ROR1: variants seen among roughly 807,000 people sequenced by gnomAD.
ROR1 encodes ROR family WNT receptor 1.
Under a neutral mutation model 78.8 loss-of-function variants are expected in ROR1, and 19 were observed. The observed-to-expected ratio is 0.24, with a 90% CI of 0.17 to 0.35. The LOEUF (loss-of-function observed/expected upper bound fraction) is 0.35. ROR1 is among the 10% of genes least tolerant of loss of function. The probability of loss-of-function intolerance (pLI) is 1.00; values close to 1 mark genes in which losing one functional copy is unlikely to be tolerated. For synonymous variants in ROR1, 386 were observed against 433.6 expected (o/e 0.89, Z 1.36); for missense variants, 917 against 1,177.8 (o/e 0.78, Z 3.24).
In ROR1 at chr1:63,774,152, G is replaced by A. The variant is rs1478031573; in HGVS notation, c.-266G>A. ...GACCCAGGGCGACTCACGCCCACTG[G>A]TGCGACCCGGACAGCCTGGGACTGA... On this transcript the variant is annotated 5_prime_UTR_variant, in exon 1 of 9. It adds an upstream start codon to the 5' untranslated region. Transcript: ENST00000371079. The surrounding 1 kb of genome is among the most constrained non-coding windows in gnomAD (Gnocchi z 5.7). The A allele has an allele frequency of 4.9e-6, 1 of 205,870 alleles. No individual in the cohort carries two copies. Among genetic ancestry groups the A allele is most frequent in the African/African-American group, 2.3e-5 (1 of 42,940 alleles). The allele number at this position is 205,870 out of a possible 1,614,324, so 12.8% of individuals were successfully genotyped here.
chr1:63,889,766 A>G (rs191705361), intron 1 of ROR1, among the ~76,000 whole-genome samples: 2 of 152,330 alleles, frequency 1.3e-5, no homozygotes, highest in Non-Finnish European at 2.9e-5. Context: ...GCTTTTAAAT[A>G]AGCATTCAGG....
chr1:63,875,310 G>A (rs1283850151), intron 1 of ROR1, among the ~76,000 whole-genome samples: 1 of 152,136 alleles, frequency 6.6e-6, no homozygotes, highest in African/African-American at 2.4e-5. Flanking sequence ...AATGAAAAAC[G>A]TCCAGGTCTT....
intron 1 of ROR1, among the ~76,000 whole-genome samples, chr1:63,826,867 CTGTGG>C (rs1203272953): frequency 6.6e-6 from 1 of 152,006 alleles, no homozygotes; most frequent in African/African-American, 2.4e-5. Flanking sequence ...TGGTATCTCA[CTGTGG>C]TTTTGACTTG....
intron 1 of ROR1, among the ~76,000 whole-genome samples, chr1:63,895,581 G>A (rs1011720036): frequency 2.0e-5 from 3 of 151,270 alleles, no homozygotes; most frequent in African/African-American, 7.4e-5. Context: ...CACACATCTC[G>A]ATTAGGTACC....
Position 64,030,902 on chromosome 1 carries a change from T to G in ROR1, c.164-18789T>G, listed in dbSNP as rs1019352177. Among the ~76,000 whole-genome samples, 4 of 152,174 alleles carry G rather than the reference T, an allele frequency of 2.6e-5. No homozygotes were observed. In the South Asian group the frequency reaches 8.3e-4, roughly 32 times the overall value. Reference sequence around the variant, plus strand: ...ATGTATGTGTGTGTACATATGTATGTGTGTTTTGAGACAGGATCTCACTCT... The same window carrying G: ...ATGTATGTGTGTGTACATATGTATGGGTGTTTTGAGACAGGATCTCACTCT... On this transcript the variant is annotated intron_variant, in intron 2 of 8. Transcript: ENST00000371079.
intron 2 of ROR1, among the ~76,000 whole-genome samples, chr1:64,010,277 C>T (rs1646465264): frequency 6.6e-6 from 1 of 151,966 alleles, no homozygotes; most frequent in South Asian, 2.1e-4. Context: ...CTGTTCTTCT[C>T]TTCACATTTT....
At chr1:64,101,728 G>T (rs1224127203) in intron 4 of ROR1, among the ~76,000 whole-genome samples, 2 of 152,186 alleles carry the variant, frequency 1.3e-5, no homozygotes, top group African/African-American at 2.4e-5. Flanking sequence ...TACATGGGTT[G>T]ATTAGAGGAG....
chr1:63,957,818 C>A (rs557480170), intron 1 of ROR1, among the ~76,000 whole-genome samples: 15 of 151,550 alleles, frequency 9.9e-5, no homozygotes, highest in Non-Finnish European at 1.9e-4. Context: ...TCTCAGCTCA[C>A]TGCAACTTCC....
At chr1:63,799,936 A>G (rs1644785479) in intron 1 of ROR1, among the ~76,000 whole-genome samples, 1 of 152,252 alleles carries the variant, frequency 6.6e-6, no homozygotes, top group Admixed American at 6.5e-5. Context: ...TGGATCATTT[A>G]GAAAATATGC....
chr1:63,931,618 G>C (rs1044117060), intron 1 of ROR1, among the ~76,000 whole-genome samples: 3 of 152,178 alleles, frequency 2.0e-5, no homozygotes, highest in South Asian at 2.1e-4. Context: ...TTCCTGCTTA[G>C]TTCTGCCTGG....
Position 64,044,084 on chromosome 1 carries a change from A to G in ROR1, c.164-5607A>G, listed in dbSNP as rs113535674. On this transcript the variant is annotated intron_variant, in intron 2 of 8. Transcript: ENST00000371079. ...CTAAACTTTTGCCCAGATCTGACAC[A>G]ATCGCTTGGGATTGCCCCAAAGCCC... Among the ~76,000 whole-genome samples, 586 of 152,340 alleles carry G rather than the reference A, an allele frequency of 3.8e-3. 7 individuals carry two copies. The highest frequency in any genetic ancestry group is 0.013 in the African/African-American group (558 of 41,590).
chr1:64,176,589 C>A (rs1216806319), intron 8 of ROR1, among the ~76,000 whole-genome samples: 1 of 152,166 alleles, frequency 6.6e-6, no homozygotes, highest in East Asian at 1.9e-4. Context: ...ACTTGTGTAA[C>A]CAGCCACCAC....
chr1:63,977,351 T>C (rs753674637), intron 1 of ROR1, among the ~76,000 whole-genome samples: 24 of 152,172 alleles, frequency 1.6e-4, no homozygotes, highest in Admixed American at 6.5e-4. Flanking sequence ...CTGTGACCTA[T>C]CACATGAAGT....
chr1:63,890,614 G>A (rs796876117), intron 1 of ROR1, among the ~76,000 whole-genome samples: 15 of 152,020 alleles, frequency 9.9e-5, no homozygotes, highest in African/African-American at 2.9e-4. Flanking sequence ...GATTTATCTT[G>A]GGTGATGATG....
intron 1 of ROR1, among the ~76,000 whole-genome samples, chr1:63,919,005 A>G (rs1406241506): frequency 5.2e-5 from 2 of 38,162 alleles, no homozygotes; most frequent in Non-Finnish European, 1.4e-4. Context: ...GTTAATGCAT[A>G]TCTTGAGATT....
chr1:63,983,116 C>T (rs1254265058), intron 1 of ROR1, among the ~76,000 whole-genome samples: 17 of 152,106 alleles, frequency 1.1e-4, no homozygotes, highest in Admixed American at 1.1e-3. Flanking sequence ...TAACTAAGGT[C>T]CTCCAATGTG....
chr1:63,975,226 A>G (rs1429963110), intron 1 of ROR1, among the ~76,000 whole-genome samples: 2 of 152,198 alleles, frequency 1.3e-5, no homozygotes, highest in African/African-American at 4.8e-5. Flanking sequence ...ATACTGGAGC[A>G]AGGAATTTGG....
chr1:63,951,704 A>G (rs926491849), intron 1 of ROR1, among the ~76,000 whole-genome samples: 5 of 151,974 alleles, frequency 3.3e-5, no homozygotes, highest in Non-Finnish European at 7.4e-5. Context: ...TTTCTCTTAA[A>G]GACACCCCCC....
chr1:63,835,556 A>G (rs1464188212), intron 1 of ROR1, among the ~76,000 whole-genome samples: 2 of 152,216 alleles, frequency 1.3e-5, no homozygotes, highest in African/African-American at 2.4e-5. Flanking sequence ...TGCAAAATTT[A>G]TGTGCCTTTG....
Sources: gnomAD v4.1 joint callset for allele counts (sites outside exome capture counted in the v4.1 genomes callset) on GRCh38, gnomAD v4.1.1 for gene constraint, Gnocchi (gnomAD v3.1) non-coding constraint, MANE v1.5 for transcripts, NCBI Gene and HGNC (gene_info 2026-07-23, HGNC 2026-07-21) for gene names.